FOXN3: variants seen among roughly 807,000 people sequenced by gnomAD.
The protein encoded by FOXN3 is forkhead box N3.
A neutral mutation model predicts 38.4 loss-of-function variants in FOXN3; 7 were observed. That is an observed-to-expected ratio of 0.18 (90% CI 0.10 to 0.34). The LOEUF is 0.34. Among genes scored for constraint, FOXN3 ranks in the 10% least tolerant of loss-of-function variants. The pLI, the probability that FOXN3 is intolerant of heterozygous loss-of-function variation, is 1.00. For synonymous variants in FOXN3, 230 were observed against 242.2 expected (o/e 0.95, Z 0.47); for missense variants, 456 against 613.4 (o/e 0.74, Z 2.71).
At chr14:89,293,021 A>G (rs1230150278) in intron 3 of FOXN3, among the ~76,000 whole-genome samples, 2 of 152,164 alleles carry the variant, frequency 1.3e-5, no homozygotes, top group Non-Finnish European at 2.9e-5. Flanking sequence ...CTCTCTGTCC[A>G]TGCTCGGCCC....
chr14:89,389,533 T>C (rs539751844), intron 2 of FOXN3, among the ~76,000 whole-genome samples: 8 of 152,386 alleles, frequency 5.2e-5, no homozygotes, highest in African/African-American at 1.9e-4. Context: ...ACTCCTATTA[T>C]TAACCTTTTT....
chr14:89,325,910 T>G (rs1431500124), intron 3 of FOXN3, among the ~76,000 whole-genome samples: 1 of 152,206 alleles, frequency 6.6e-6, no homozygotes, highest in Non-Finnish European at 1.5e-5. Flanking sequence ...ATGGCTGCAC[T>G]CTCAACACAG....
chr14:89,345,954 G>T (rs1306110595), intron 3 of FOXN3, among the ~76,000 whole-genome samples: 1 of 152,210 alleles, frequency 6.6e-6, no homozygotes, highest in African/African-American at 2.4e-5. Flanking sequence ...TCGGGAGGCT[G>T]AAGCAGGAGA....
intron 3 of FOXN3, among the ~76,000 whole-genome samples, chr14:89,317,179 T>TATA (rs1321926037): frequency 6.6e-6 from 1 of 152,194 alleles, no homozygotes; most frequent in East Asian, 1.9e-4. Context: ...GACAATACTT[T>TATA]ATAAAGCCTG....
At chr14:89,408,890 A>C (rs1891459901) in intron 2 of FOXN3, among the ~76,000 whole-genome samples, 1 of 152,168 alleles carries the variant, frequency 6.6e-6, no homozygotes, top group Non-Finnish European at 1.5e-5. Flanking sequence ...TCTCATAGGA[A>C]AAAACAAGTT....
At chr14:89,392,921 C>T (rs751706788) in intron 2 of FOXN3, among the ~76,000 whole-genome samples, 4 of 151,880 alleles carry the variant, frequency 2.6e-5, no homozygotes, top group Non-Finnish European at 1.5e-5. Context: ...ATTCTTCTGC[C>T]TCAGCCTCCC....
intron 2 of FOXN3, among the ~76,000 whole-genome samples, chr14:89,407,566 C>T (rs533383129): frequency 6.2e-4 from 94 of 152,312 alleles, no homozygotes; most frequent in Admixed American, 1.0e-3. Flanking sequence ...TGCAGCGACT[C>T]ATGCCTATAA....
intron 1 of FOXN3, among the ~76,000 whole-genome samples, chr14:89,547,022 C>T (rs1894900572): frequency 6.6e-6 from 1 of 151,282 alleles, no homozygotes; most frequent in African/African-American, 2.4e-5. Context: ...TGACCTTAAG[C>T]GATCCACCCG....
intron 3 of FOXN3, among the ~76,000 whole-genome samples, chr14:89,312,392 G>C (rs1275432918): frequency 2.0e-5 from 3 of 151,592 alleles, no homozygotes; most frequent in Non-Finnish European, 4.4e-5. Flanking sequence ...CTCAGCAATT[G>C]TAAAAGTAAG....
chr14:89,276,005 A>C (rs987283516), intron 4 of FOXN3, among the ~76,000 whole-genome samples: 1 of 152,218 alleles, frequency 6.6e-6, no homozygotes, highest in Non-Finnish European at 1.5e-5. Context: ...GGCCAGGCAC[A>C]GTGGCTTAAG....
chr14:89,290,973 T>C (rs1483893646), intron 3 of FOXN3: 4 of 379,958 alleles, frequency 1.1e-5, no homozygotes, highest in Non-Finnish European at 1.6e-5. Context: ...ATGTGGGTGC[T>C]GCGGACCTGT....
rs538223816 is a variant in FOXN3, at chr14:89,423,028, C to T, written c.-14-10538G>A. Among the ~76,000 whole-genome samples the T allele has an allele frequency of 1.7e-4, 26 of 152,286 alleles. No homozygotes were observed. The East Asian group carries it at 1.9e-3, about 11-fold the overall frequency. On this transcript the variant is annotated intron_variant, in intron 1 of 6. Coordinates refer to the FOXN3 transcript ENST00000345097. ...GAATCCAGATTTACTCAATTAATTC[C>T]GTCAACAAGTAAGCATCTAGCTCCT...
At chr14:89,323,719 A>AAAACAAACAAACAAAC (rs56120412) in intron 3 of FOXN3, among the ~76,000 whole-genome samples, 5 of 150,762 alleles carry the variant, frequency 3.3e-5, no homozygotes, top group Admixed American at 2.0e-4. Context: ...ACTCCATCGC[A>AAAACAAACAAACAAAC]AAACAAACAA....
At chr14:89,488,820 A>G (rs1015099207) in intron 1 of FOXN3, among the ~76,000 whole-genome samples, 2 of 152,198 alleles carry the variant, frequency 1.3e-5, no homozygotes, top group Admixed American at 1.3e-4. Context: ...GCAAAGGGGC[A>G]AAATGTTACC....
intron 1 of FOXN3, among the ~76,000 whole-genome samples, chr14:89,516,610 G>A (rs1363976372): frequency 6.8e-6 from 1 of 146,860 alleles, no homozygotes; most frequent in Non-Finnish European, 1.5e-5. Context: ...CACCCAGGCT[G>A]GAGTGCAGTG....
At chr14:89,365,927 T>C (rs1417906402) in intron 2 of FOXN3, among the ~76,000 whole-genome samples, 1 of 152,102 alleles carries the variant, frequency 6.6e-6, no homozygotes, top group Non-Finnish European at 1.5e-5. Flanking sequence ...ATAAAGTAAC[T>C]AGAATAACTA....
intron 2 of FOXN3, among the ~76,000 whole-genome samples, chr14:89,368,756 C>T (rs985920668): frequency 1.3e-5 from 2 of 152,156 alleles, no homozygotes; most frequent in Non-Finnish European, 2.9e-5. Context: ...GGATAGCATA[C>T]CTGTTTCTAA....
At chr14:89,171,958 CAGA>C (rs1319649976) in intron 5 of FOXN3, among the ~76,000 whole-genome samples, 1 of 152,022 alleles carries the variant, frequency 6.6e-6, no homozygotes, top group African/African-American at 2.4e-5. Context: ...GATTTGTGCA[CAGA>C]AGAATCTATA....
At chr14:89,563,379 C>A (rs947843209) in intron 1 of FOXN3, among the ~76,000 whole-genome samples, 9 of 152,094 alleles carry the variant, frequency 5.9e-5, no homozygotes, top group African/African-American at 2.2e-4. Context: ...AGACAGTATC[C>A]CAGGTGTCCC....
Sources: allele counts gnomAD v4.1 joint callset (sites outside exome capture counted in the v4.1 genomes callset), GRCh38; gene constraint gnomAD v4.1.1; transcripts MANE v1.5; gene names NCBI Gene and HGNC (gene_info 2026-07-23, HGNC 2026-07-21).